ADCY9: variants seen among roughly 807,000 people sequenced by gnomAD.
The protein encoded by ADCY9 is adenylate cyclase 9.
ADCY9 carries 50 observed loss-of-function variants against 101.5 expected under a neutral mutation model. That is an observed-to-expected ratio of 0.49 (90% CI 0.39 to 0.62). The LOEUF (loss-of-function observed/expected upper bound fraction) is 0.62. ADCY9 is among the 20% of genes least tolerant of loss of function. The probability of loss-of-function intolerance (pLI) is 0.00; values close to 1 mark genes in which losing one functional copy is unlikely to be tolerated. For missense variants in ADCY9, 1,662 were observed against 1,800.4 expected (o/e 0.92, Z 1.39); for synonymous variants, 905 against 769.3 (o/e 1.18, Z -2.92).
At position 3,963,057 on chromosome 16, in the gene ADCY9, C is replaced by T. The variant is rs1241270538; in HGVS notation, c.*2718G>A. The T allele has an allele frequency of 2.0e-5, 3 of 150,776 alleles. No individual in the cohort carries two copies. Among genetic ancestry groups the T allele is most frequent in the Non-Finnish European group, 3.9e-5 (3 of 76,576 alleles). The allele number at this position is 150,776 out of a possible 1,614,324, so 9.3% of individuals were successfully genotyped here. A position where few individuals can be genotyped will look rare whatever the true frequency, so the allele number is the denominator to read the frequency against. ...CGAGGGTTTTGTAACTGATGCTCTA[C>T]ATTTGTTTGCATTGGATAAAATTGT... On this transcript the variant is annotated 3_prime_UTR_variant, in exon 11 of 11. Coordinates refer to ENST00000294016, the MANE Select transcript of ADCY9 (RefSeq NM_001116.4).
At chr16:3,976,875 C>T (rs573349179) in intron 9 of ADCY9, among the ~76,000 whole-genome samples, 40 of 152,360 alleles carry the variant, frequency 2.6e-4, no homozygotes, top group South Asian at 2.1e-3. Flanking sequence ...CCAGGCTGGT[C>T]TTGAACTCCT....
chr16:4,089,848 G>T lies in ADCY9; in HGVS notation c.1693+23902C>A, dbSNP rs73492561. On this transcript the variant is annotated intron_variant, in intron 2 of 10. Transcript: ENST00000294016. ...GAGCAAATCAAGCCTGGCCACAGGG[G>T]ACCAGGGCACTTCCCAGAACAGTCC... Among the ~76,000 whole-genome samples the T allele has an allele frequency of 4.1e-3, 625 of 152,198 alleles. 1 individual carries two copies. Among genetic ancestry groups the T allele is most frequent in the African/African-American group, 0.014 (588 of 41,562 alleles).
chr16:3,971,814 T>C (rs1370857787), intron 10 of ADCY9, among the ~76,000 whole-genome samples: 9 of 151,898 alleles, frequency 5.9e-5, no homozygotes, highest in Non-Finnish European at 1.0e-4. Context: ...GTCTCTGTGG[T>C]GGAAATGGGA....
chr16:4,016,518 G>C (rs1473307004), intron 2 of ADCY9, among the ~76,000 whole-genome samples: 8 of 152,184 alleles, frequency 5.3e-5, no homozygotes, highest in African/African-American at 1.7e-4. Flanking sequence ...TGTCCCTAGA[G>C]AGCTAACAGC....
chr16:4,058,486 A>G (rs1811956669), intron 2 of ADCY9, among the ~76,000 whole-genome samples: 1 of 151,782 alleles, frequency 6.6e-6, no homozygotes, highest in Admixed American at 6.6e-5. Context: ...AAAAAAAAGA[A>G]GAAGAATTGA....
rs376917181 is a variant in ADCY9, at chr16:3,983,324, G to A, written c.2427C>T (p.Tyr809=). 253 of 1,580,226 alleles carry A rather than the reference G, an allele frequency of 1.6e-4. 1 individual carries two copies. Among genetic ancestry groups the A allele is most frequent in the Admixed American group, 2.2e-4 (12 of 54,798 alleles). Residue 809 remains tyrosine (Y), a synonymous_variant, in exon 7 of 11, where the codon TAC becomes TAT. Coordinates refer to ENST00000294016, the MANE Select transcript of ADCY9 (RefSeq NM_001116.4). ...GCGGGGGAGGCACGGTGGCCGCCTC[G>A]TACTTCAGGAAGCAGGTGGTGGACA... is the stretch of plus-strand genomic sequence containing the variant. ...LTLSTTCFLK[Y]EAATVPPPPA...
intron 2 of ADCY9, among the ~76,000 whole-genome samples, chr16:4,094,745 C>T (rs1006116207): frequency 3.3e-5 from 5 of 151,906 alleles, no homozygotes; most frequent in African/African-American, 1.2e-4. Context: ...CCTGGAACAC[C>T]GCCTCACCCA....
At chr16:4,100,488 CCT>C (rs1157332983) in intron 2 of ADCY9, among the ~76,000 whole-genome samples, 3 of 152,000 alleles carry the variant, frequency 2.0e-5, no homozygotes, top group Non-Finnish European at 4.4e-5. Flanking sequence ...TGCCACCACG[CCT>C]GGCTAATTTT....
intron 7 of ADCY9, 53 bp from the exon 8 acceptor site, chr16:3,979,328 G>A (rs56139472): frequency 0.017 from 27,869 of 1,599,100 alleles, 286 homozygotes; most frequent in Non-Finnish European, 0.021. Context: ...GTGGGTCATC[G>A]GCCAGGAGAC....
intron 3 of ADCY9, among the ~76,000 whole-genome samples, chr16:4,006,131 G>A (rs1445412188): frequency 6.6e-6 from 1 of 152,172 alleles, no homozygotes; most frequent in Non-Finnish European, 1.5e-5. Flanking sequence ...GCACCCCCAG[G>A]GGACACTGGG....
chr16:4,114,211 G>C lies in ADCY9; in HGVS notation c.1232C>G (p.Ser411Cys). 1 of 1,613,978 alleles carries C rather than the reference G, an allele frequency of 6.2e-7. No individual in the cohort carries two copies. ...CAGGAGACCCACCAGGGCGTGGGCA[G>C]ACTTGTTGGCACTCATCTTGGTGAA... ...VGFTKMSANK[S>C]AHALVGLLND... Residue 411 changes from serine to cysteine, a missense_variant, in exon 2 of 11, where the codon TCT becomes TGT. Coordinates refer to ENST00000294016, the MANE Select transcript of ADCY9 (RefSeq NM_001116.4). The surrounding 1 kb of genome is among the most constrained non-coding windows in gnomAD (Gnocchi z 4.3).
chr16:4,044,355 C>CA (rs1295035355), intron 2 of ADCY9, among the ~76,000 whole-genome samples: 2 of 148,700 alleles, frequency 1.3e-5, no homozygotes, highest in South Asian at 2.1e-4. Flanking sequence ...TCAAAAAAAA[C>CA]AAAAAAACAA....
intron 2 of ADCY9, among the ~76,000 whole-genome samples, chr16:4,057,973 A>C (rs1567132482): frequency 6.6e-6 from 1 of 152,098 alleles, no homozygotes; most frequent in Non-Finnish European, 1.5e-5. Context: ...AGCCTGGCCA[A>C]CATAGTGAAA....
chr16:4,029,092 A>G (rs1484267724), intron 2 of ADCY9, among the ~76,000 whole-genome samples: 1 of 152,022 alleles, frequency 6.6e-6, no homozygotes, highest in Non-Finnish European at 1.5e-5. Context: ...CTAGCTATAT[A>G]TTTTTTAAAG....
intron 2 of ADCY9, among the ~76,000 whole-genome samples, chr16:4,033,985 G>GA (rs1311470180): frequency 3.3e-5 from 5 of 152,310 alleles, no homozygotes; most frequent in African/African-American, 1.2e-4. Flanking sequence ...ACAATTGCCT[G>GA]AAAACATAGA....
Position 3,983,406 on chromosome 16 carries a change from C to T in ADCY9, c.2345G>A (p.Ser782Asn), listed in dbSNP as rs1421051771. The T allele has an allele frequency of 1.2e-6, 2 of 1,607,612 alleles. No individual in the cohort carries two copies. The highest frequency in any genetic ancestry group is 1.3e-5 in the African/African-American group (1 of 74,792). The change falls in exon 7 of 11, where the codon AGT (serine) becomes AAT (asparagine). Residue 782 changes from serine to asparagine, a missense_variant. Ser to Asn is a conservative substitution (Grantham distance 46). Coordinates refer to ENST00000294016, the MANE Select transcript of ADCY9 (RefSeq NM_001116.4). Reference protein sequence around the residue: ...IKNSPVKTFASPTFSSLLDVF... With the variant: ...IKNSPVKTFANPTFSSLLDVF... ...ATCCAGGAGGGAGCTGAAGGTGGGA[C>T]TAGCAAACGTCTTCACGGGGGAGTT...
At chr16:4,097,070 C>T (rs1567146626) in intron 2 of ADCY9, among the ~76,000 whole-genome samples, 1 of 152,074 alleles carries the variant, frequency 6.6e-6, no homozygotes, top group South Asian at 2.1e-4. Context: ...TTCTTGAAAT[C>T]TCCATCTTAC....
intron 5 of ADCY9, among the ~76,000 whole-genome samples, chr16:3,956,208 A>AT (rs910827819): frequency 3.3e-5 from 5 of 151,738 alleles, no homozygotes; most frequent in Non-Finnish European, 4.4e-5. Context: ...GCAAAGTCAT[A>AT]TTTTTTTTCA....
At chr16:3,993,697 C>T (rs369662195) in intron 3 of ADCY9, among the ~76,000 whole-genome samples, 187 bp from the exon 4 acceptor site, 19 of 152,240 alleles carry the variant, frequency 1.2e-4, no homozygotes, top group African/African-American at 4.3e-4. Flanking sequence ...ACACAGAAAC[C>T]CGGGCACGAA....
Sources: gnomAD v4.1 joint callset for allele counts (sites outside exome capture counted in the v4.1 genomes callset) on GRCh38, gnomAD v4.1.1 for gene constraint, Gnocchi (gnomAD v3.1) non-coding constraint, MANE v1.5 for transcripts, NCBI Gene and HGNC (gene_info 2026-07-23, HGNC 2026-07-21) for gene names.